EDA: variants seen among roughly 807,000 people sequenced by gnomAD.
EDA encodes the protein ectodysplasin A.
A neutral mutation model predicts 23.6 loss-of-function variants in EDA; 2 were observed. The observed-to-expected ratio is 0.08, with a 90% CI of 0.03 to 0.27. EDA has a LOEUF of 0.27. EDA is among the 10% of genes least tolerant of loss of function. EDA has a pLI of 1.00. For missense variants in EDA, 229 were observed against 324.2 expected (o/e 0.71, Z 2.26); for synonymous variants, 131 against 132.0 (o/e 0.99, Z 0.05).
intron 3 of EDA, among the ~76,000 whole-genome samples, chrX:70,024,188 T>C (rs1009916170): frequency 8.9e-6 from 1 of 112,703 alleles, no homozygotes; most frequent in Non-Finnish European, 1.9e-5. Context: ...TGATAAGATT[T>C]ATGGAGCTTT....
intron 1 of EDA, among the ~76,000 whole-genome samples, chrX:69,800,448 A>G (rs2015655904): frequency 9.0e-6 from 1 of 111,439 alleles, no homozygotes; most frequent in Admixed American, 9.5e-5. Context: ...AAATACTCTG[A>G]CTTGATCTTT....
chrX:69,910,014 C>T (rs111337339), intron 1 of EDA, among the ~76,000 whole-genome samples: 2,391 of 111,713 alleles, frequency 0.021, 56 homozygotes, highest in African/African-American at 0.074. Flanking sequence ...TTTTCTTCCA[C>T]ACAAGTGTTT....
chrX:69,696,496 C>A (rs1240525280), intron 1 of EDA, among the ~76,000 whole-genome samples: 1 of 111,719 alleles, frequency 9.0e-6, no homozygotes, highest in African/African-American at 3.3e-5. Flanking sequence ...TTGGAACAAT[C>A]AATCATTCTA....
At chrX:69,908,195 A>C (rs1387018469) in intron 1 of EDA, among the ~76,000 whole-genome samples, 1 of 111,743 alleles carries the variant, frequency 8.9e-6, no homozygotes, top group Non-Finnish European at 1.9e-5. Context: ...GTCATTAAGA[A>C]AATAATATTT....
chrX:69,876,669 A>G (rs1294737695), intron 1 of EDA, among the ~76,000 whole-genome samples: 2 of 111,365 alleles, frequency 1.8e-5, no homozygotes, highest in Non-Finnish European at 3.8e-5. Flanking sequence ...TTTCTAGAAC[A>G]TCCTAAAAAT....
At chrX:69,821,895 T>A (rs1294053884) in intron 1 of EDA, among the ~76,000 whole-genome samples, 1 of 112,166 alleles carries the variant, frequency 8.9e-6, no homozygotes, top group Admixed American at 9.5e-5. Flanking sequence ...TTCATAATGT[T>A]GTGCCACCAT....
At chrX:69,666,556 G>A (rs1300330589) in intron 1 of EDA, among the ~76,000 whole-genome samples, 2 of 112,455 alleles carry the variant, frequency 1.8e-5, no homozygotes, top group Non-Finnish European at 3.8e-5. Context: ...ATGATCATGT[G>A]GTTTTTATCT....
At chrX:69,787,834 G>A (rs972034029) in intron 1 of EDA, among the ~76,000 whole-genome samples, 7 of 110,406 alleles carry the variant, frequency 6.3e-5, no homozygotes, top group African/African-American at 2.3e-4. Flanking sequence ...TCTGAATGTT[G>A]GCCTGCCTTG....
intron 1 of EDA, among the ~76,000 whole-genome samples, chrX:69,631,381 CAA>C (rs1212176285): frequency 3.2e-4 from 17 of 52,793 alleles, no homozygotes; most frequent in Non-Finnish European, 2.7e-4. Context: ...GACTCCGTGT[CAA>C]AAAAAAAAAA....
At chrX:70,027,767 G>A (rs2020130962) in intron 3 of EDA, 90 bp from the exon 4 acceptor site, 3 of 505,233 alleles carry the variant, frequency 5.9e-6, no homozygotes, top group Non-Finnish European at 1.1e-5. Flanking sequence ...AGGTTGCAGT[G>A]AGCCGAGATC....
At chrX:69,671,009 C>G (rs1387545202) in intron 1 of EDA, among the ~76,000 whole-genome samples, 1 of 111,241 alleles carries the variant, frequency 9.0e-6, no homozygotes, top group African/African-American at 3.3e-5. Flanking sequence ...TGTGTCCCTG[C>G]GTTGATGGCT....
intron 1 of EDA, chrX:69,670,169 A>G (rs1268193347): frequency 1.0e-5 from 3 of 288,079 alleles, no homozygotes; most frequent in Non-Finnish European, 1.2e-5. Flanking sequence ...TGGGTATAGT[A>G]TTCTTGGCTG....
chrX:69,758,611 A>G (rs2014199169), intron 1 of EDA, among the ~76,000 whole-genome samples: 1 of 112,340 alleles, frequency 8.9e-6, no homozygotes, highest in Admixed American at 9.4e-5. Context: ...AGGTGGGCAG[A>G]TCACCTGAGG....
At chrX:69,652,144 G>A (rs184285690) in intron 1 of EDA, among the ~76,000 whole-genome samples, 2 of 111,322 alleles carry the variant, frequency 1.8e-5, no homozygotes, top group East Asian at 2.8e-4. Flanking sequence ...ACCTGTCACC[G>A]AGATTGTGTG....
chrX:69,880,646 A>G (rs1200189553), intron 1 of EDA, among the ~76,000 whole-genome samples: 4 of 112,182 alleles, frequency 3.6e-5, no homozygotes, highest in African/African-American at 1.3e-4. Context: ...CAGTAGCTGA[A>G]TTATAGCATT....
At chrX:69,758,099 T>C (rs960852873) in intron 1 of EDA, among the ~76,000 whole-genome samples, 1 of 112,366 alleles carries the variant, frequency 8.9e-6, no homozygotes, top group Non-Finnish European at 1.9e-5. Flanking sequence ...GCTAAAATAT[T>C]TCATGTTTAT....
intron 1 of EDA, among the ~76,000 whole-genome samples, chrX:69,645,356 A>AT (rs1490167289): frequency 9.4e-6 from 1 of 106,442 alleles, no homozygotes; most frequent in Non-Finnish European, 1.9e-5. Flanking sequence ...AATTTATCGA[A>AT]TTTTTTCTGG....
At chrX:69,904,736 T>A (rs796199594) in intron 1 of EDA, among the ~76,000 whole-genome samples, 2 of 111,278 alleles carry the variant, frequency 1.8e-5, no homozygotes, top group South Asian at 7.5e-4. Flanking sequence ...ATGAGTTCAA[T>A]TTTTTTTTGT....
chrX:70,022,952 A>G (rs1404500637), intron 2 of EDA: 1 of 238,522 alleles, frequency 4.2e-6, no homozygotes. Context: ...TCTATGGGGA[A>G]GTACCCATTC....
Sources: gnomAD v4.1 joint callset for allele counts (sites outside exome capture counted in the v4.1 genomes callset) on GRCh38, gnomAD v4.1.1 for gene constraint, MANE v1.5 for transcripts, NCBI Gene and HGNC (gene_info 2026-07-23, HGNC 2026-07-21) for gene names.